The following SV2C variants were observed in gnomAD, a reference collection of about 807,000 sequenced individuals.
The protein encoded by SV2C is synaptic vesicle glycoprotein 2C, also known as solute carrier family 22 member B3.
Under a neutral mutation model 79.7 loss-of-function variants are expected in SV2C, and 49 were observed. The observed-to-expected ratio is 0.61, with a 90% CI of 0.49 to 0.78. The LOEUF is 0.78. SV2C is among the 30% of genes least tolerant of loss of function. The pLI is 0.00. For synonymous variants in SV2C, 334 were observed against 333.2 expected, an observed-to-expected ratio of 1.00 and a Z score of -0.03; for missense variants, 833 against 912.9, an observed-to-expected ratio of 0.91 and a Z score of 1.13.
At chr5:76,250,913 T>C (rs1746094519) in intron 4 of SV2C, among the ~76,000 whole-genome samples, 2 of 151,528 alleles carry the variant, frequency 1.3e-5, no homozygotes, top group African/African-American at 4.8e-5. Context: ...AGGGCAGCCA[T>C]CAGCTGTGTA....
At chr5:75,908,596 A>C in the SV2C span, among the ~76,000 whole-genome samples, 8,834 of 152,240 alleles carry the variant, frequency 0.058, 318 homozygotes, top group Admixed American at 0.082. Flanking sequence ...TATGGTAGGA[A>C]GGGGAGAGAC....
At chr5:76,073,977 T>C in the SV2C span, among the ~76,000 whole-genome samples, 1 of 152,294 alleles carries the variant, frequency 6.6e-6, no homozygotes, top group Admixed American at 6.5e-5. Context: ...GCCCAGAATA[T>C]CCATGTCTTC....
At chr5:76,152,333 A>G (rs1442459385) in intron 2 of SV2C, among the ~76,000 whole-genome samples, 2 of 152,248 alleles carry the variant, frequency 1.3e-5, no homozygotes, top group Admixed American at 6.5e-5. Context: ...ACAAAAGTAT[A>G]CTATAGACTA....
the SV2C span, among the ~76,000 whole-genome samples, chr5:76,024,771 T>C: frequency 6.6e-6 from 1 of 152,128 alleles, no homozygotes; most frequent in East Asian, 1.9e-4. Flanking sequence ...CCTGTGGAAC[T>C]CACTTATGAG....
At chr5:76,180,550 C>T (rs745467739) in intron 2 of SV2C, among the ~76,000 whole-genome samples, 1 of 152,182 alleles carries the variant, frequency 6.6e-6, no homozygotes, top group Non-Finnish European at 1.5e-5. Flanking sequence ...GCATTTGTTC[C>T]AGTTCTTTTC....
In SV2C at chr5:76,291,677, C is replaced by G. The variant is rs187804705; in HGVS notation, c.1249-91C>G. 430 of 860,816 alleles carry G rather than the reference C, an allele frequency of 5.0e-4. No individual in the cohort carries two copies. In the East Asian group the frequency reaches 9.9e-3, roughly 20 times the overall value. 53.3% of individuals were successfully genotyped at this position (860,816 alleles called of 1,614,324 possible). A position where few individuals can be genotyped will look rare whatever the true frequency, so the allele number is the denominator to read the frequency against. On this transcript the variant is annotated intron_variant, in intron 7 of 12. Transcript: ENST00000502798. Reference sequence around the variant, plus strand: ...TGAAATGAATCCAACCCAATGACAACTCAGCATTTTTTATAATTTGGTGGA... The same window carrying G: ...TGAAATGAATCCAACCCAATGACAAGTCAGCATTTTTTATAATTTGGTGGA...
the SV2C span, among the ~76,000 whole-genome samples, chr5:76,000,823 A>G: frequency 6.6e-6 from 1 of 152,182 alleles, no homozygotes; most frequent in South Asian, 2.1e-4. Flanking sequence ...TAATTCCTAA[A>G]AGAATCACAC....
the SV2C span, among the ~76,000 whole-genome samples, chr5:75,928,250 C>T: frequency 6.6e-6 from 1 of 152,100 alleles, no homozygotes; most frequent in African/African-American, 2.4e-5. Context: ...ATGCTTTGTC[C>T]TTGTCATTAA....
chr5:76,292,916 G>GT (rs1747612080), intron 8 of SV2C, among the ~76,000 whole-genome samples: 1 of 152,196 alleles, frequency 6.6e-6, no homozygotes, highest in Non-Finnish European at 1.5e-5. Flanking sequence ...TTTCAGGTCA[G>GT]CAGGAACTCA....
At chr5:76,301,598 T>C (rs934353302) in intron 12 of SV2C, 53 bp downstream of exon 12, 1 of 1,563,856 alleles carries the variant, frequency 6.4e-7, no homozygotes, top group Non-Finnish European at 8.7e-7. Flanking sequence ...GTGAGACCAC[T>C]GAAAAATTAT....
At chr5:76,098,572 C>T (rs1390521629) in intron 1 of SV2C, among the ~76,000 whole-genome samples, 2 of 152,166 alleles carry the variant, frequency 1.3e-5, no homozygotes, top group Non-Finnish European at 2.9e-5. Context: ...AATTGTTTTC[C>T]CAAACATTCA....
chr5:76,236,989 C>T (rs191890650), intron 4 of SV2C, among the ~76,000 whole-genome samples: 2 of 152,306 alleles, frequency 1.3e-5, no homozygotes, highest in Admixed American at 6.5e-5. Flanking sequence ...GCCCTGCTTG[C>T]ACTCACTCCG....
chr5:75,960,328 C>T, the SV2C span, among the ~76,000 whole-genome samples: 1 of 151,972 alleles, frequency 6.6e-6, no homozygotes, highest in Non-Finnish European at 1.5e-5. Flanking sequence ...TCATGCACCA[C>T]ATAATGATGT....
At chr5:75,951,510 CT>C in the SV2C span, among the ~76,000 whole-genome samples, 2 of 151,994 alleles carry the variant, frequency 1.3e-5, no homozygotes, top group African/African-American at 4.8e-5. Flanking sequence ...GTTGGAGAGC[CT>C]TTCTCCACTG....
the SV2C span, among the ~76,000 whole-genome samples, chr5:75,873,120 TAAAAA>T: frequency 9.2e-5 from 14 of 152,024 alleles, no homozygotes; most frequent in Admixed American, 3.9e-4. Context: ...AAAAGCAAAT[TAAAAA>T]GAGATACGTT....
chr5:75,917,732 A>T, the SV2C span, among the ~76,000 whole-genome samples: 2 of 152,042 alleles, frequency 1.3e-5, no homozygotes, highest in African/African-American at 4.8e-5. Context: ...AAATAGAAAG[A>T]ATGGATAACA....
intron 2 of SV2C, among the ~76,000 whole-genome samples, chr5:76,180,758 C>T (rs371152665): frequency 6.6e-6 from 1 of 152,212 alleles, no homozygotes; most frequent in Non-Finnish European, 1.5e-5. Context: ...TCTGAGCTCT[C>T]ATGCTGTGGA....
At chr5:76,156,333 A>G (rs907393096) in intron 2 of SV2C, among the ~76,000 whole-genome samples, 37 of 152,250 alleles carry the variant, frequency 2.4e-4, no homozygotes, top group East Asian at 1.9e-4. Context: ...GCTTCATTCT[A>G]TGGGGGGAAG....
At chr5:76,271,849 T>A (rs1056261895) in intron 4 of SV2C, among the ~76,000 whole-genome samples, 15 of 152,098 alleles carry the variant, frequency 9.9e-5, no homozygotes, top group Non-Finnish European at 1.5e-4. Flanking sequence ...TTTCTAAAAA[T>A]TCCAGAGTCA....
Sources: gnomAD v4.1 joint callset for allele counts (sites outside exome capture counted in the v4.1 genomes callset) on GRCh38, gnomAD v4.1.1 for gene constraint, MANE v1.5 for transcripts, NCBI Gene and HGNC (gene_info 2026-07-23, HGNC 2026-07-21) for gene names.